LPP: variants seen among roughly 807,000 people sequenced by gnomAD.
The protein encoded by LPP is LIM domain containing preferred translocation partner in lipoma.
LPP carries 38 observed loss-of-function variants against 60.4 expected under a neutral mutation model. The ratio of observed to expected loss-of-function variants is 0.63; its 90% CI spans 0.49 to 0.83. The LOEUF (loss-of-function observed/expected upper bound fraction) is 0.83. Ranked by LOEUF, LPP falls within the 40% of genes least tolerant of loss-of-function variation. The pLI is 0.00. For synonymous variants in LPP, 328 were observed against 290.8 expected (o/e 1.13, Z -1.30); for missense variants, 902 against 783.6 (o/e 1.15, Z -1.80).
intron 9 of LPP, among the ~76,000 whole-genome samples, chr3:188,839,807 G>T (rs1341623629): frequency 2.6e-5 from 4 of 152,244 alleles, no homozygotes; most frequent in East Asian, 1.9e-4. Context: ...GAACCAGGGA[G>T]TCGGAGGTTG....
At chr3:188,300,799 GTTCA>G (rs1299374322) in intron 2 of LPP, among the ~76,000 whole-genome samples, 1 of 152,076 alleles carries the variant, frequency 6.6e-6, no homozygotes, top group Non-Finnish European at 1.5e-5. Flanking sequence ...TGCTCAAAGA[GTTCA>G]TTTTCTGTTG....
At chr3:188,739,963 T>C (rs569427130) in intron 8 of LPP, among the ~76,000 whole-genome samples, 1 of 152,246 alleles carries the variant, frequency 6.6e-6, no homozygotes, top group East Asian at 1.9e-4. Context: ...CTGTCATTCA[T>C]TGGCCATGAT....
chr3:188,811,934 G>T (rs564848479), intron 9 of LPP, among the ~76,000 whole-genome samples: 3 of 151,978 alleles, frequency 2.0e-5, no homozygotes, highest in Non-Finnish European at 2.9e-5. Flanking sequence ...ATCACATCAC[G>T]GAGAATGGGG....
At chr3:188,566,055 T>C (rs1419317631) in intron 6 of LPP, among the ~76,000 whole-genome samples, 1 of 151,972 alleles carries the variant, frequency 6.6e-6, no homozygotes, top group Non-Finnish European at 1.5e-5. Context: ...TAATAGGAAT[T>C]TTCATATGAT....
chr3:188,535,300 C>A (rs142811594), intron 6 of LPP, among the ~76,000 whole-genome samples: 10 of 152,170 alleles, frequency 6.6e-5, no homozygotes, highest in African/African-American at 2.2e-4. Flanking sequence ...ACAGAATATA[C>A]CTTACAGGAA....
At chr3:188,665,576 C>T (rs1229380738) in intron 7 of LPP, among the ~76,000 whole-genome samples, 1 of 151,712 alleles carries the variant, frequency 6.6e-6, no homozygotes, top group African/African-American at 2.4e-5. Flanking sequence ...TCTCCTGCCT[C>T]AGCCTCCCGA....
chr3:188,761,519 A>G (rs1399621053), intron 9 of LPP, among the ~76,000 whole-genome samples: 2 of 152,224 alleles, frequency 1.3e-5, no homozygotes, highest in East Asian at 3.8e-4. Flanking sequence ...AGTTGGAAAA[A>G]AAATCTTAAA....
intron 4 of LPP, among the ~76,000 whole-genome samples, chr3:188,449,283 T>C (rs1796042150): frequency 2.0e-5 from 3 of 152,232 alleles, no homozygotes; most frequent in Admixed American, 2.0e-4. Flanking sequence ...TTGTTTTTGA[T>C]TGACTTTCTT....
intron 2 of LPP, among the ~76,000 whole-genome samples, chr3:188,337,699 T>A (rs779855820): frequency 1.3e-5 from 2 of 152,190 alleles, no homozygotes; most frequent in Non-Finnish European, 2.9e-5. Flanking sequence ...GGGGTTTCCC[T>A]ATGTTGCCCA....
chr3:188,386,362 T>G (rs898402234), intron 3 of LPP, among the ~76,000 whole-genome samples: 1 of 151,960 alleles, frequency 6.6e-6, no homozygotes, highest in African/African-American at 2.4e-5. Context: ...AGTAGATGAT[T>G]TCTTTTACCT....
intron 2 of LPP, among the ~76,000 whole-genome samples, chr3:188,335,586 T>C (rs1306836360): frequency 1.3e-5 from 2 of 152,200 alleles, no homozygotes; most frequent in African/African-American, 2.4e-5. Context: ...TTTTTTATTA[T>C]GTCTATCTTT....
At chr3:188,669,345 G>A (rs996255801) in intron 7 of LPP, among the ~76,000 whole-genome samples, 1 of 152,136 alleles carries the variant, frequency 6.6e-6, no homozygotes, top group African/African-American at 2.4e-5. Flanking sequence ...GGGAGGTCGA[G>A]GCGGGCGGAT....
chr3:188,338,450 C>G (rs951314633), intron 2 of LPP, among the ~76,000 whole-genome samples: 3 of 152,190 alleles, frequency 2.0e-5, no homozygotes, highest in African/African-American at 7.2e-5. Context: ...CCTTTTACTA[C>G]TACCTCTGTT....
chr3:188,732,480 G>A (rs1030722029), intron 8 of LPP, among the ~76,000 whole-genome samples: 5 of 151,960 alleles, frequency 3.3e-5, no homozygotes, highest in Admixed American at 2.0e-4. Flanking sequence ...TATCCTGGCC[G>A]GGCGCAGTGG....
At chr3:188,415,518 A>G (rs1715561755) in intron 4 of LPP, among the ~76,000 whole-genome samples, 1 of 152,056 alleles carries the variant, frequency 6.6e-6, no homozygotes, top group Non-Finnish European at 1.5e-5. Context: ...TTTTATCATA[A>G]TGACAAAACA....
intron 5 of LPP, among the ~76,000 whole-genome samples, chr3:188,499,859 T>C (rs1811316092): frequency 6.6e-6 from 1 of 152,194 alleles, no homozygotes; most frequent in Non-Finnish European, 1.5e-5. Flanking sequence ...ATTTTGTCTT[T>C]TATTTTTTGA....
intron 2 of LPP, among the ~76,000 whole-genome samples, chr3:188,327,005 G>C (rs1758602472): frequency 6.6e-6 from 1 of 152,164 alleles, no homozygotes; most frequent in South Asian, 2.1e-4. Flanking sequence ...ATTCAAGAAT[G>C]TAGATTAAAT....
At chr3:188,407,795 T>TTTTTTTTTTTGAGA (rs1783994562) in intron 4 of LPP, among the ~76,000 whole-genome samples, 1 of 137,458 alleles carries the variant, frequency 7.3e-6, no homozygotes, top group Non-Finnish European at 1.6e-5. Flanking sequence ...TTTGTTTTTT[T>TTTTTTTTTTTGAGA]TTTTTTTTTT....
At chr3:188,259,925 C>CTT (rs144370915) in intron 2 of LPP, among the ~76,000 whole-genome samples, 1 of 147,566 alleles carries the variant, frequency 6.8e-6, no homozygotes, top group Admixed American at 6.8e-5. Context: ...AAATGACCTT[C>CTT]TTTTTTTTTT....
Sources: allele counts gnomAD v4.1 joint callset (sites outside exome capture counted in the v4.1 genomes callset), GRCh38; gene constraint gnomAD v4.1.1; transcripts MANE v1.5; gene names NCBI Gene and HGNC (gene_info 2026-07-23, HGNC 2026-07-21).